The following YAP1 variants were observed in gnomAD, a reference collection of about 807,000 sequenced individuals.
The protein encoded by YAP1 is transcriptional coactivator YAP1.
Under a neutral mutation model 56.9 loss-of-function variants are expected in YAP1, and 5 were observed. The observed-to-expected ratio is 0.09, with a 90% confidence interval of 0.05 to 0.18. The LOEUF is 0.18. Among genes scored for constraint, YAP1 ranks in the 10% least tolerant of loss-of-function variants. YAP1 has a pLI of 1.00. For missense variants in YAP1, 539 were observed against 651.8 expected (o/e 0.83, Z 1.88); for synonymous variants, 265 against 248.1 (o/e 1.07, Z -0.64).
At chr11:102,128,302 A>G (rs1157241320) in intron 2 of YAP1, among the ~76,000 whole-genome samples, 2 of 152,040 alleles carry the variant, frequency 1.3e-5, no homozygotes, top group Non-Finnish European at 2.9e-5. Context: ...GGCGGGGGGT[A>G]ATTGAATTAT....
intron 6 of YAP1, among the ~76,000 whole-genome samples, chr11:102,221,486 G>A (rs754705462): frequency 6.6e-6 from 1 of 152,086 alleles, no homozygotes; most frequent in Non-Finnish European, 1.5e-5. Flanking sequence ...CACTTTGGGC[G>A]GCCAAGGAGG....
At chr11:102,200,632 A>G (rs374992110) in intron 4 of YAP1, among the ~76,000 whole-genome samples, 13 of 151,876 alleles carry the variant, frequency 8.6e-5, no homozygotes, top group African/African-American at 3.2e-4. Context: ...TTTAGTAGAG[A>G]TAGGGTTTCA....
intron 3 of YAP1, among the ~76,000 whole-genome samples, chr11:102,178,390 A>T (rs972565964): frequency 6.6e-6 from 1 of 152,162 alleles, no homozygotes; most frequent in African/African-American, 2.4e-5. Context: ...GGCAGGTGAC[A>T]AGGGGAGGTT....
chr11:102,152,629 G>A (rs541278541), intron 2 of YAP1, among the ~76,000 whole-genome samples: 3 of 152,228 alleles, frequency 2.0e-5, no homozygotes, highest in South Asian at 2.1e-4. Flanking sequence ...TTTGCCCTTC[G>A]ATTTCAGCAA....
intron 8 of YAP1, among the ~76,000 whole-genome samples, 200 bp downstream of exon 8, chr11:102,227,781 T>C (rs1167534097): frequency 6.6e-6 from 1 of 152,170 alleles, no homozygotes; most frequent in Non-Finnish European, 1.5e-5. Context: ...ATATATATCA[T>C]GGATTGGCCG....
chr11:102,123,002 A>C (rs911010832), intron 2 of YAP1, among the ~76,000 whole-genome samples: 2 of 150,922 alleles, frequency 1.3e-5, no homozygotes, highest in African/African-American at 4.9e-5. Context: ...CACTCCTTCT[A>C]GGTGTTTTTT....
intron 1 of YAP1, among the ~76,000 whole-genome samples, chr11:102,111,769 G>C (rs1942936473): frequency 6.6e-6 from 1 of 152,082 alleles, no homozygotes; most frequent in Admixed American, 6.5e-5. Flanking sequence ...GTGTTGATTA[G>C]AGGTGGGGGT....
intron 5 of YAP1, among the ~76,000 whole-genome samples, chr11:102,209,141 T>A (rs531931826): frequency 6.6e-6 from 1 of 152,352 alleles, no homozygotes; most frequent in Admixed American, 6.5e-5. Context: ...AAATTCAGTA[T>A]ATCTTAAGTC....
chr11:102,111,164 C>A lies in YAP1; in HGVS notation c.316C>A (p.Arg106=), dbSNP rs529940453. 199 of 1,612,716 alleles carry A rather than the reference C, an allele frequency of 1.2e-4. 1 individual carries two copies. The South Asian group carries it at 2.0e-3, about 16-fold the overall frequency. ...FKPPEPKSHS[R]QASTDAGTAG... The stretch of plus-strand genomic sequence containing the variant: ...GCCGCCGGAGCCCAAATCCCACTCC[C>A]GACAGGTAACCTCGTTGCCCCTCTC... The change falls in exon 1 of 9, where the codon CGA becomes AGA. Residue 106 remains arginine, a synonymous_variant. Coordinates refer to ENST00000282441, the MANE Select transcript of YAP1 (RefSeq NM_001130145.3).
chr11:102,120,801 C>T (rs949056071), intron 2 of YAP1, among the ~76,000 whole-genome samples: 1 of 152,188 alleles, frequency 6.6e-6, no homozygotes. Context: ...AGATAGTGTG[C>T]TTGTTAAAGT....
intron 3 of YAP1, among the ~76,000 whole-genome samples, chr11:102,172,886 A>T (rs901534050): frequency 6.6e-6 from 1 of 152,128 alleles, no homozygotes; most frequent in Non-Finnish European, 1.5e-5. Context: ...AGAATGCTTC[A>T]TGCATAACAC....
intron 2 of YAP1, among the ~76,000 whole-genome samples, chr11:102,130,301 A>G (rs1027060108): frequency 1.3e-5 from 2 of 152,198 alleles, no homozygotes; most frequent in African/African-American, 4.8e-5. Flanking sequence ...AAGTTTAGAA[A>G]TGAGCTAAAT....
intron 6 of YAP1, among the ~76,000 whole-genome samples, chr11:102,215,620 C>T (rs909298864): frequency 3.3e-5 from 5 of 152,108 alleles, no homozygotes; most frequent in African/African-American, 9.7e-5. Context: ...GGATTAGAGG[C>T]GCACACCACC....
intron 3 of YAP1, among the ~76,000 whole-genome samples, chr11:102,171,629 A>C (rs556425444): frequency 4.1e-4 from 63 of 152,352 alleles, no homozygotes; most frequent in South Asian, 2.1e-3. Context: ...TAAAGGACTT[A>C]AGTGGCACTG....
chr11:102,137,316 GT>G (rs1944730511), intron 2 of YAP1, among the ~76,000 whole-genome samples: 1 of 152,172 alleles, frequency 6.6e-6, no homozygotes, highest in Non-Finnish European at 1.5e-5. Flanking sequence ...AAAACCCTGA[GT>G]GTAGAAACTA....
intron 2 of YAP1, among the ~76,000 whole-genome samples, chr11:102,144,910 A>C (rs1210341529): frequency 1.3e-5 from 2 of 151,968 alleles, no homozygotes; most frequent in Admixed American, 1.3e-4. Context: ...ACTCATGCTC[A>C]CACACACTTA....
At chr11:102,186,814 ATG>A (rs10580018) in intron 4 of YAP1, 37,888 of 138,360 alleles carry the variant, frequency 0.27, 5,371 homozygotes, top group Admixed American at 0.44. Flanking sequence ...TTTTTAAAAA[ATG>A]TGTGTGTGTG....
At chr11:102,206,443 C>T (rs1191277124) in intron 5 of YAP1, among the ~76,000 whole-genome samples, 2 of 152,208 alleles carry the variant, frequency 1.3e-5, no homozygotes, top group Admixed American at 6.5e-5. Context: ...CAGGAGAAAA[C>T]ATCCTTTATT....
intron 2 of YAP1, among the ~76,000 whole-genome samples, chr11:102,135,375 A>G (rs1944616974): frequency 6.6e-6 from 1 of 152,216 alleles, no homozygotes; most frequent in Non-Finnish European, 1.5e-5. Context: ...ATTCTTTTCC[A>G]TGCAGCATTG....
Sources: gnomAD v4.1 joint callset for allele counts (sites outside exome capture counted in the v4.1 genomes callset) on GRCh38, gnomAD v4.1.1 for gene constraint, MANE v1.5 for transcripts, NCBI Gene and HGNC (gene_info 2026-07-23, HGNC 2026-07-21) for gene names.